The following CELF4 variants were observed in gnomAD, a reference collection of about 807,000 sequenced individuals.
CELF4 encodes the protein CUGBP Elav-like family member 4.
Under a neutral mutation model 59.9 loss-of-function variants are expected in CELF4, and 18 were observed. The observed-to-expected ratio is 0.30, with a 90% CI of 0.21 to 0.45. CELF4 has a LOEUF of 0.45. Among genes scored for constraint, CELF4 ranks in the 20% least tolerant of loss-of-function variants. The probability of loss-of-function intolerance (pLI) is 1.00; values close to 1 mark genes in which losing one functional copy is unlikely to be tolerated. For missense variants in CELF4, 456 were observed against 689.0 expected (o/e 0.66, Z 3.79); for synonymous variants, 261 against 267.1 (o/e 0.98, Z 0.22).
intron 3 of CELF4, among the ~76,000 whole-genome samples, chr18:37,315,839 C>T (rs2096850637): frequency 6.6e-6 from 1 of 152,196 alleles, no homozygotes; most frequent in African/African-American, 2.4e-5. Flanking sequence ...TCCTCTTCGG[C>T]CCACTAAGCG....
At chr18:37,534,677 G>A (rs1019366526) in intron 1 of CELF4, among the ~76,000 whole-genome samples, 2 of 152,048 alleles carry the variant, frequency 1.3e-5, no homozygotes, top group African/African-American at 4.8e-5. Context: ...ACTATATTCC[G>A]ACACATAGAA....
At chr18:37,345,024 T>C (rs1485662601) in intron 2 of CELF4, among the ~76,000 whole-genome samples, 3 of 152,214 alleles carry the variant, frequency 2.0e-5, no homozygotes, top group Non-Finnish European at 4.4e-5. Flanking sequence ...AGTCCATGTT[T>C]GCAGGATGTA....
At chr18:37,318,932 C>T (rs938441311) in intron 3 of CELF4, among the ~76,000 whole-genome samples, 10 of 152,138 alleles carry the variant, frequency 6.6e-5, no homozygotes, top group East Asian at 1.9e-4. Context: ...AGGCCTGGGT[C>T]GGTGGCCCTT....
At chr18:37,387,041 C>T (rs1002580487) in intron 2 of CELF4, among the ~76,000 whole-genome samples, 4 of 152,350 alleles carry the variant, frequency 2.6e-5, no homozygotes, top group Admixed American at 6.5e-5. Context: ...GAGCCTGCTG[C>T]GCTGTGGAGG....
rs185237637 is a variant in CELF4, at chr18:37,351,001, C to T, written c.370-29120G>A. Among the ~76,000 whole-genome samples, 21 of 152,324 alleles carry T rather than the reference C, an allele frequency of 1.4e-4. 1 individual carries two copies. The highest frequency in any genetic ancestry group is 9.8e-4 in the Admixed American group (15 of 15,304). ...TTCAAGGTTACCCAAGTCTCCCTGTCGGTCACATCCCTACCCACCTCCCCC... is the reference window on the plus strand; with the variant it reads ...TTCAAGGTTACCCAAGTCTCCCTGTTGGTCACATCCCTACCCACCTCCCCC... On this transcript the variant is annotated intron_variant, in intron 2 of 12. Transcript: ENST00000420428.
At chr18:37,267,806 T>G (rs1356412666) in intron 8 of CELF4, among the ~76,000 whole-genome samples, 2 of 151,766 alleles carry the variant, frequency 1.3e-5, no homozygotes. Context: ...GAGGCCGAGG[T>G]GGGTGGATCA....
intron 3 of CELF4, among the ~76,000 whole-genome samples, chr18:37,293,139 A>T (rs1358517329): frequency 6.6e-6 from 1 of 152,248 alleles, no homozygotes; most frequent in Non-Finnish European, 1.5e-5. Flanking sequence ...TCCTCAGCCC[A>T]GGCTCCTTCG....
At chr18:37,270,172 T>C (rs531814701) in intron 8 of CELF4, among the ~76,000 whole-genome samples, 65 of 124,400 alleles carry the variant, frequency 5.2e-4, no homozygotes, top group African/African-American at 2.2e-3. Flanking sequence ...CTTGGATCTT[T>C]CCGTGTGCCA....
chr18:37,244,717 A>T lies in CELF4; in HGVS notation c.*525T>A, dbSNP rs2061447511. The T allele has an allele frequency of 6.6e-6, 1 of 152,596 alleles. No individual in the cohort carries two copies. Among genetic ancestry groups the T allele is most frequent in the Non-Finnish European group, 1.5e-5 (1 of 68,030 alleles). 9.5% of individuals were successfully genotyped at this position (152,596 alleles called of 1,614,324 possible). A position where few individuals can be genotyped will look rare whatever the true frequency, so the allele number is the denominator to read the frequency against. On this transcript the variant is annotated 3_prime_UTR_variant, in exon 13 of 13. Transcript: ENST00000420428. ...ATAGAGCTACACATCTGCAATAAAA[A>T]GTTTGGTCCTTTGGTCCCTAAATAG...
chr18:37,441,273 CTGTGTG>C lies in CELF4; in HGVS notation c.369+44246_369+44251del, dbSNP rs36008798. ...CCCTACCTCCCAGAACTCAACAATG[CTGTGTG>C]TGTGTGTGTGTGTGTGTGTGTGTGT... On this transcript the variant is annotated intron_variant, in intron 2 of 12. Transcript: ENST00000420428. Among the ~76,000 whole-genome samples, 366 of 143,406 alleles carry C rather than the reference CTGTGTG, an allele frequency of 2.6e-3. 1 individual carries two copies. The highest frequency in any genetic ancestry group is 8.7e-3 in the East Asian group (41 of 4,694). The allele number at this position is 143,406 out of a possible 152,430, so 94.1% of individuals were successfully genotyped here.
intron 3 of CELF4, among the ~76,000 whole-genome samples, chr18:37,287,900 TAAATAGCAA>T (rs1206775297): frequency 1.3e-5 from 2 of 152,272 alleles, no homozygotes; most frequent in East Asian, 3.9e-4. Flanking sequence ...GGATGACACA[TAAATAGCAA>T]TAGGTAAATG....
intron 1 of CELF4, among the ~76,000 whole-genome samples, chr18:37,552,912 G>C (rs952758338): frequency 6.6e-6 from 1 of 152,194 alleles, no homozygotes; most frequent in African/African-American, 2.4e-5. Flanking sequence ...CTGAGCTGCT[G>C]TTGTGACGTG....
At chr18:37,283,930 CCA>C (rs2094443431) in intron 3 of CELF4, among the ~76,000 whole-genome samples, 2 of 1,124 alleles carry the variant, frequency 1.8e-3, no homozygotes, top group Non-Finnish European at 2.2e-3. Flanking sequence ...CACACACACA[CCA>C]ATACATGCAC....
chr18:37,383,833 C>T (rs1166306173), intron 2 of CELF4, among the ~76,000 whole-genome samples: 1 of 152,192 alleles, frequency 6.6e-6, no homozygotes, highest in Non-Finnish European at 1.5e-5. Context: ...GGGACCCTGC[C>T]AACTCCTGAG....
In CELF4 at chr18:37,365,282, G is replaced by A. The variant is rs556671127; in HGVS notation, c.370-43401C>T. ...TGGGTCTCAAGCACCCTCAAAGTTG[G>A]GCAATGGAGAGTTGATTGAGCCCTT... On this transcript the variant is annotated intron_variant, in intron 2 of 12. Transcript: ENST00000420428. Among the ~76,000 whole-genome samples, 3 of 152,124 alleles carry A rather than the reference G, an allele frequency of 2.0e-5. No individual in the cohort carries two copies. In the East Asian group the frequency reaches 5.8e-4, roughly 29 times the overall value.
intron 1 of CELF4, among the ~76,000 whole-genome samples, chr18:37,555,368 C>T (rs1365285270): frequency 2.0e-5 from 3 of 152,134 alleles, no homozygotes; most frequent in African/African-American, 4.8e-5. Context: ...AAGCAAAGGC[C>T]GGATGAGGGA....
chr18:37,507,577 T>C (rs973228013), intron 1 of CELF4, among the ~76,000 whole-genome samples: 2 of 152,242 alleles, frequency 1.3e-5, no homozygotes, highest in Non-Finnish European at 2.9e-5. Context: ...TTGCCTGCTA[T>C]GTGATATTGC....
chr18:37,546,354 T>C (rs6417077), intron 1 of CELF4, among the ~76,000 whole-genome samples: 152,213 of 152,282 alleles, frequency 1, 76,072 homozygotes, highest in Middle Eastern at 1. Flanking sequence ...GGTGCACACA[T>C]GCTCACTACA....
chr18:37,383,139 T>C (rs2099061097), intron 2 of CELF4, among the ~76,000 whole-genome samples: 1 of 152,230 alleles, frequency 6.6e-6, no homozygotes, highest in Admixed American at 6.5e-5. Flanking sequence ...TCCTCTGGCC[T>C]TGCAAAGTGC....
Sources: gnomAD v4.1 joint callset for allele counts (sites outside exome capture counted in the v4.1 genomes callset) on GRCh38, gnomAD v4.1.1 for gene constraint, MANE v1.5 for transcripts, NCBI Gene and HGNC (gene_info 2026-07-23, HGNC 2026-07-21) for gene names.